The following PEBP4 variants were observed in gnomAD, a reference collection of about 807,000 sequenced individuals.
PEBP4 encodes phosphatidylethanolamine-binding protein 4.
A neutral mutation model predicts 23.9 loss-of-function variants in PEBP4; 22 were observed. The ratio of observed to expected loss-of-function variants is 0.92; its 90% CI spans 0.66 to 1.31. PEBP4 has a LOEUF of 1.31. Ranked by LOEUF, PEBP4 falls within the 40% of genes most tolerant of loss-of-function variation. PEBP4 has a pLI of 0.00. For synonymous variants in PEBP4, 112 were observed against 99.3 expected, an observed-to-expected ratio of 1.13 and a Z score of -0.76; for missense variants, 324 against 281.7, an observed-to-expected ratio of 1.15 and a Z score of -1.07.
intron 4 of PEBP4, among the ~76,000 whole-genome samples, chr8:22,786,269 T>G (rs747823002): frequency 1.3e-5 from 2 of 152,028 alleles, no homozygotes; most frequent in Non-Finnish European, 2.9e-5. Context: ...TATATTTCTG[T>G]TTTTTTGTTT....
At chr8:22,922,632 G>A (rs1809233441) in intron 2 of PEBP4, among the ~76,000 whole-genome samples, 1 of 151,526 alleles carries the variant, frequency 6.6e-6, no homozygotes, top group Non-Finnish European at 1.5e-5. Flanking sequence ...CCAGCTACTT[G>A]GGAGGATCAC....
intron 3 of PEBP4, among the ~76,000 whole-genome samples, chr8:22,847,974 A>T (rs1010921170): frequency 2.1e-4 from 32 of 152,212 alleles, no homozygotes; most frequent in Admixed American, 1.8e-3. Flanking sequence ...ACATTTTAAA[A>T]CAAACCTTAC....
chr8:22,913,251 G>T (rs901203387), intron 3 of PEBP4, among the ~76,000 whole-genome samples: 1 of 152,014 alleles, frequency 6.6e-6, no homozygotes, highest in Non-Finnish European at 1.5e-5. Context: ...CTCCCAGCCC[G>T]CAGTCCTGGA....
intron 3 of PEBP4, among the ~76,000 whole-genome samples, chr8:22,893,783 A>G (rs934311073): frequency 2.2e-4 from 33 of 152,184 alleles, no homozygotes; most frequent in African/African-American, 7.5e-4. Flanking sequence ...AAAAAAACCC[A>G]CCAGAATAGC....
intron 3 of PEBP4, among the ~76,000 whole-genome samples, chr8:22,867,552 C>A (rs988181684): frequency 1.3e-5 from 2 of 152,160 alleles, no homozygotes; most frequent in African/African-American, 2.4e-5. Context: ...CCCTGGGTTC[C>A]CCCTTTCCAT....
intron 3 of PEBP4, among the ~76,000 whole-genome samples, chr8:22,900,436 G>C (rs976778323): frequency 1.3e-5 from 2 of 152,050 alleles, no homozygotes; most frequent in African/African-American, 4.8e-5. Context: ...ATCACTTGAG[G>C]CCAGGGGTTC....
intron 6 of PEBP4, among the ~76,000 whole-genome samples, chr8:22,713,931 C>A (rs555691036): frequency 4.4e-4 from 67 of 152,370 alleles, no homozygotes; most frequent in Middle Eastern, 6.8e-3. Flanking sequence ...CTCCCCTGAC[C>A]CCAGGACAGG....
intron 3 of PEBP4, among the ~76,000 whole-genome samples, chr8:22,917,573 C>G (rs1332882712): frequency 6.6e-6 from 1 of 152,152 alleles, no homozygotes; most frequent in Non-Finnish European, 1.5e-5. Flanking sequence ...GGCTTTGACT[C>G]TGGCTCTGGC....
At chr8:22,766,034 G>A (rs1805608991) in intron 4 of PEBP4, among the ~76,000 whole-genome samples, 1 of 152,276 alleles carries the variant, frequency 6.6e-6, no homozygotes, top group South Asian at 2.1e-4. Flanking sequence ...TCGAGGAAGA[G>A]CTCTTGCCTC....
At chr8:22,766,212 G>A (rs1277322215) in intron 4 of PEBP4, among the ~76,000 whole-genome samples, 2 of 152,226 alleles carry the variant, frequency 1.3e-5, no homozygotes, top group Non-Finnish European at 2.9e-5. Context: ...TGGAGGATGT[G>A]TGCTTCAGGG....
chr8:22,876,103 G>T (rs1808116069), intron 3 of PEBP4, among the ~76,000 whole-genome samples: 1 of 151,996 alleles, frequency 6.6e-6, no homozygotes. Flanking sequence ...TAGAAATGGG[G>T]TTTCGCCATG....
Position 22,784,438 on chromosome 8 carries a change from T to A in PEBP4, c.357+33199A>T, listed in dbSNP as rs574446178. The stretch of plus-strand genomic sequence containing the variant: ...TACAATTTGTCATTGATGCCTTGAT[T>A]TGAAGGAAACTGAGGCAATGGAGTA... On this transcript the variant is annotated intron_variant, in intron 4 of 6. Coordinates refer to ENST00000256404, the MANE Select transcript of PEBP4 (RefSeq NM_144962.3). Among the ~76,000 whole-genome samples, 6 of 152,274 alleles carry A rather than the reference T, an allele frequency of 3.9e-5. No individual in the cohort carries two copies. The East Asian group carries it at 1.2e-3, about 29-fold the overall frequency.
At chr8:22,780,534 T>G (rs1201630703) in intron 4 of PEBP4, among the ~76,000 whole-genome samples, 1 of 152,188 alleles carries the variant, frequency 6.6e-6, no homozygotes, top group Non-Finnish European at 1.5e-5. Context: ...TTGTGGGTTA[T>G]GACTTCGTAT....
At chr8:22,820,572 G>A (rs1230054066) in intron 3 of PEBP4, among the ~76,000 whole-genome samples, 1 of 152,162 alleles carries the variant, frequency 6.6e-6, no homozygotes, top group East Asian at 1.9e-4. Flanking sequence ...GAGGGGAAAG[G>A]GAAAAGAGAG....
intron 3 of PEBP4, among the ~76,000 whole-genome samples, chr8:22,871,804 G>A (rs945616769): frequency 4.6e-5 from 7 of 151,798 alleles, no homozygotes; most frequent in Non-Finnish European, 5.9e-5. Flanking sequence ...CACCCGCCTC[G>A]GCCTCCCAAA....
intron 3 of PEBP4, among the ~76,000 whole-genome samples, chr8:22,818,501 G>C (rs760356128): frequency 2.0e-5 from 3 of 152,314 alleles, no homozygotes; most frequent in African/African-American, 7.2e-5. Context: ...GACAAGCAAG[G>C]GGGAGGGTGG....
chr8:22,929,342 G>T (rs1222972287), upstream of PEBP4, among the ~76,000 whole-genome samples: 7 of 152,330 alleles, frequency 4.6e-5, 1 homozygote, highest in Middle Eastern at 0.024. Context: ...GCTGCCAGAA[G>T]GGCTGCCCAA....
At chr8:22,849,573 G>A (rs1807509587) in intron 3 of PEBP4, among the ~76,000 whole-genome samples, 1 of 152,178 alleles carries the variant, frequency 6.6e-6, no homozygotes, top group Non-Finnish European at 1.5e-5. Context: ...GTGTTTCCGT[G>A]CCCACTGCCA....
At chr8:22,929,921 G>A, upstream of PEBP4, among the ~76,000 whole-genome samples, 1 of 152,194 alleles carries the variant, frequency 6.6e-6, no homozygotes, top group East Asian at 1.9e-4. Context: ...GCCCAGGCTG[G>A]TCTCGAACTC....
Sources: allele counts gnomAD v4.1 joint callset (sites outside exome capture counted in the v4.1 genomes callset), GRCh38; gene constraint gnomAD v4.1.1; transcripts MANE v1.5; gene names NCBI Gene and HGNC (gene_info 2026-07-23, HGNC 2026-07-21).